The following ULK4 variants were observed in gnomAD, a reference collection of about 807,000 sequenced individuals.
ULK4 encodes inactive serine/threonine-protein kinase ULK4.
In ULK4, 133 loss-of-function variants were observed where a neutral mutation model predicts 160.6. The observed-to-expected ratio is 0.83, with a 90% confidence interval of 0.72 to 0.96. The LOEUF (loss-of-function observed/expected upper bound fraction) is 0.96. Ranked by LOEUF, ULK4 falls within the 40% of genes least tolerant of loss-of-function variation. ULK4 has a pLI of 0.00. For synonymous variants in ULK4, 534 were observed against 539.8 expected, an observed-to-expected ratio of 0.99 and a Z score of 0.15; for missense variants, 1,580 against 1,499.5, an observed-to-expected ratio of 1.05 and a Z score of -0.89.
At chr3:41,912,295 C>G (rs559396767) in intron 9 of ULK4, among the ~76,000 whole-genome samples, 1 of 149,294 alleles carries the variant, frequency 6.7e-6, no homozygotes, top group South Asian at 2.1e-4. Context: ...TACCACTACA[C>G]TCCTGCCTAG....
In ULK4 at chr3:41,919,607, A is replaced by T. The variant is rs77111787; in HGVS notation, c.643+110T>A. The T allele has an allele frequency of 0.013, 11,311 of 854,270 alleles. 741 individuals are homozygous for T. In the African/African-American group the frequency reaches 0.16, roughly 12 times the overall value. The allele number at this position is 854,270 out of a possible 1,614,324, so 52.9% of individuals were successfully genotyped here. A position where few individuals can be genotyped will look rare whatever the true frequency, so the allele number is the denominator to read the frequency against. On this transcript the variant is annotated intron_variant, in intron 6 of 36. Coordinates refer to ENST00000301831, the MANE Select transcript of ULK4 (RefSeq NM_017886.4). ...ACAGTACGAGACTCTGTCTCAAAAT[A>T]AAAAAAAATCTAGTTTTTTCACATC...
chr3:41,833,704 A>AT (rs1215022199), intron 18 of ULK4, among the ~76,000 whole-genome samples: 4 of 152,118 alleles, frequency 2.6e-5, no homozygotes, highest in Non-Finnish European at 5.9e-5. Flanking sequence ...TTGCACACTG[A>AT]TTTTGTATTC....
chr3:41,848,977 G>A (rs1177941010), intron 17 of ULK4, among the ~76,000 whole-genome samples: 2 of 152,186 alleles, frequency 1.3e-5, no homozygotes, highest in South Asian at 2.1e-4. Context: ...TGGAAATGAT[G>A]TATGTATTCC....
At chr3:41,444,358 G>C in intron 34 of ULK4, among the ~76,000 whole-genome samples, 1 of 121,878 alleles carries the variant, frequency 8.2e-6, no homozygotes, top group Non-Finnish European at 1.6e-5. Flanking sequence ...TGATTTAAGT[G>C]ACTTCTCTCT....
At chr3:41,348,737 A>T (rs1325400605) in intron 35 of ULK4, among the ~76,000 whole-genome samples, 1 of 152,224 alleles carries the variant, frequency 6.6e-6, no homozygotes, top group Admixed American at 6.5e-5. Context: ...TATCTGCATA[A>T]CACATCATAC....
intron 29 of ULK4, among the ~76,000 whole-genome samples, chr3:41,668,788 G>T (rs781088274): frequency 3.3e-5 from 5 of 152,098 alleles, no homozygotes; most frequent in Admixed American, 6.5e-5. Flanking sequence ...AAAAAATTTT[G>T]ACTTTATTAG....
intron 12 of ULK4, among the ~76,000 whole-genome samples, chr3:41,901,416 A>G (rs544745301): frequency 4.0e-5 from 6 of 148,388 alleles, no homozygotes; most frequent in Admixed American, 3.4e-4. Context: ...TCCTGACCTC[A>G]TGATCCACCT....
intron 35 of ULK4, among the ~76,000 whole-genome samples, chr3:41,353,089 A>G (rs2080944419): frequency 6.6e-6 from 1 of 152,160 alleles, no homozygotes; most frequent in South Asian, 2.1e-4. Context: ...AATCTAAGAA[A>G]CAATTTGACT....
intron 34 of ULK4, among the ~76,000 whole-genome samples, chr3:41,451,479 C>G (rs374251856): frequency 6.6e-6 from 1 of 151,664 alleles, no homozygotes; most frequent in Non-Finnish European, 1.5e-5. Context: ...GGGAAATTTT[C>G]GAGAAATGAC....
intron 30 of ULK4, among the ~76,000 whole-genome samples, chr3:41,616,551 C>T (rs1343104176): frequency 6.6e-6 from 1 of 152,126 alleles, no homozygotes; most frequent in Non-Finnish European, 1.5e-5. Flanking sequence ...CTGGGGACCT[C>T]CCTCCCCCAA....
At chr3:41,546,736 T>A (rs2125959819) in intron 32 of ULK4, among the ~76,000 whole-genome samples, 1 of 142,998 alleles carries the variant, frequency 7.0e-6, no homozygotes, top group East Asian at 2.1e-4. Context: ...CCTCTATTTC[T>A]ACTTAGATTC....
chr3:41,379,131 C>G (rs1165051160), intron 35 of ULK4, among the ~76,000 whole-genome samples: 1 of 151,698 alleles, frequency 6.6e-6, no homozygotes, highest in Non-Finnish European at 1.5e-5. Context: ...GTGCAGCAAA[C>G]CACCATGGCA....
intron 27 of ULK4, among the ~76,000 whole-genome samples, chr3:41,698,410 C>T (rs891618453): frequency 2.6e-5 from 4 of 152,092 alleles, no homozygotes; most frequent in African/African-American, 7.2e-5. Flanking sequence ...TATAGGATCT[C>T]GCCACCATGC....
intron 35 of ULK4, among the ~76,000 whole-genome samples, chr3:41,289,056 C>A (rs551928983): frequency 6.6e-6 from 1 of 152,166 alleles, no homozygotes; most frequent in Non-Finnish European, 1.5e-5. Flanking sequence ...GCAGAGCAGC[C>A]GGCCACTCCC....
intron 5 of ULK4, among the ~76,000 whole-genome samples, chr3:41,930,978 T>G (rs568029147): frequency 2.4e-4 from 37 of 152,360 alleles, no homozygotes; most frequent in African/African-American, 8.7e-4. Context: ...ATCCCATTAC[T>G]GGGTATACAC....
intron 27 of ULK4, among the ~76,000 whole-genome samples, chr3:41,697,220 T>C (rs1043811095): frequency 8.5e-5 from 13 of 152,164 alleles, no homozygotes; most frequent in East Asian, 5.8e-4. Flanking sequence ...TATACAGTCA[T>C]GCATGGCACA....
At chr3:41,309,969 T>C (rs2080019202) in intron 35 of ULK4, among the ~76,000 whole-genome samples, 1 of 151,870 alleles carries the variant, frequency 6.6e-6, no homozygotes, top group Non-Finnish European at 1.5e-5. Context: ...GACAATAACA[T>C]ACAGGCTGGA....
intron 32 of ULK4, among the ~76,000 whole-genome samples, chr3:41,559,044 A>C (rs2087441910): frequency 7.4e-6 from 1 of 135,098 alleles, no homozygotes; most frequent in African/African-American, 2.9e-5. Flanking sequence ...ACCCCACAAC[A>C]GGCCCCGGTG....
chr3:41,519,785 C>G (rs1166794924), intron 32 of ULK4, among the ~76,000 whole-genome samples: 1 of 152,204 alleles, frequency 6.6e-6, no homozygotes, highest in Non-Finnish European at 1.5e-5. Context: ...TCTGACCCTA[C>G]AGTTTCAAGG....
Sources: allele counts gnomAD v4.1 joint callset (sites outside exome capture counted in the v4.1 genomes callset), GRCh38; gene constraint gnomAD v4.1.1; transcripts MANE v1.5; gene names NCBI Gene and HGNC (gene_info 2026-07-23, HGNC 2026-07-21).